The following ANKRD17 variants were observed in gnomAD, a reference collection of about 807,000 sequenced individuals.
The protein encoded by ANKRD17 is ankyrin repeat domain-containing protein 17.
A neutral mutation model predicts 229.7 loss-of-function variants in ANKRD17; 19 were observed. The ratio of observed to expected loss-of-function variants is 0.08; its 90% confidence interval spans 0.06 to 0.12. ANKRD17 has a LOEUF of 0.12. ANKRD17 is among the 10% of genes least tolerant of loss of function. The probability of loss-of-function intolerance (pLI) is 1.00; values close to 1 mark genes in which losing one functional copy is unlikely to be tolerated. For synonymous variants in ANKRD17, 1,112 were observed against 1,146.1 expected, an observed-to-expected ratio of 0.97 and a Z score of 0.60; for missense variants, 2,176 against 3,176.8, an observed-to-expected ratio of 0.68 and a Z score of 7.57.
intron 15 of ANKRD17, among the ~76,000 whole-genome samples, chr4:73,138,690 CT>C (rs996880559): frequency 7.9e-5 from 12 of 152,002 alleles, no homozygotes; most frequent in African/African-American, 1.2e-4. Flanking sequence ...TTCAAATTTT[CT>C]TTTTTTAATG....
chr4:73,228,846 C>A (rs188164745), intron 1 of ANKRD17, among the ~76,000 whole-genome samples: 4 of 152,298 alleles, frequency 2.6e-5, no homozygotes, highest in East Asian at 3.9e-4. Context: ...ATGTTTACTG[C>A]AGCACTATTC....
intron 2 of ANKRD17, among the ~76,000 whole-genome samples, chr4:73,167,533 C>T (rs1382041300): frequency 1.3e-5 from 2 of 152,148 alleles, no homozygotes; most frequent in Non-Finnish European, 2.9e-5. Context: ...ATCTATATGA[C>T]AGTCTCTTAA....
rs763579327 is a variant in ANKRD17, at chr4:73,091,200, C to T, written c.6428G>A (p.Ser2143Asn). The T allele has an allele frequency of 3.1e-6, 5 of 1,614,036 alleles. No homozygotes were observed. In the African/African-American group the frequency reaches 6.7e-5, roughly 22 times the overall value. The change falls in exon 29 of 34, where the codon AGT becomes AAT. Residue 2143 changes from serine to asparagine, a missense_variant. By Grantham distance (46) the Ser-to-Asn change is conservative (BLOSUM62 1). This residue lies in a region of ANKRD17 where 424 missense variants were observed against 454.0 expected (regional missense o/e 0.93). Coordinates refer to ENST00000358602, the MANE Select transcript of ANKRD17 (RefSeq NM_032217.5). ...VRMTVPPLAT[S>N]SAPVAVPSTA... Reference sequence around the variant, plus strand: ...AGAAGGCACCGCCACTGGAGCAGAACTTGTTGCTAAAGGAGGAACAGTCAT... The same window carrying T: ...AGAAGGCACCGCCACTGGAGCAGAATTTGTTGCTAAAGGAGGAACAGTCAT...
intron 2 of ANKRD17, among the ~76,000 whole-genome samples, chr4:73,174,339 A>T (rs1169521883): frequency 6.6e-6 from 1 of 152,214 alleles, no homozygotes; most frequent in Non-Finnish European, 1.5e-5. Flanking sequence ...AAATTGCATG[A>T]TCATCTCAAT....
intron 1 of ANKRD17, among the ~76,000 whole-genome samples, chr4:73,201,067 C>T (rs768115232): frequency 5.4e-5 from 8 of 148,328 alleles, no homozygotes; most frequent in Non-Finnish European, 1.2e-4. Flanking sequence ...TCTAGCAAGA[C>T]TAAATAAAAT....
At chr4:73,250,107 T>C (rs1313564164) in intron 1 of ANKRD17, among the ~76,000 whole-genome samples, 1 of 152,160 alleles carries the variant, frequency 6.6e-6, no homozygotes, top group Non-Finnish European at 1.5e-5. Context: ...ACGCCTTAAC[T>C]TCACCCTACA....
At chr4:73,210,093 C>A (rs1332838336) in intron 1 of ANKRD17, among the ~76,000 whole-genome samples, 1 of 151,866 alleles carries the variant, frequency 6.6e-6, no homozygotes, top group East Asian at 1.9e-4. Context: ...CTACTTAAGG[C>A]AATAAGGTAG....
rs1726720366 is a variant in ANKRD17 at position 73,121,523 on chromosome 4, A to G, written c.3635+94T>C. 3 of 1,430,048 alleles carry G rather than the reference A, an allele frequency of 2.1e-6. No individual in the cohort carries two copies. In the Admixed American group the frequency reaches 5.3e-5, roughly 25 times the overall value. 88.6% of individuals were successfully genotyped at this position (1,430,048 alleles called of 1,614,324 possible). On this transcript the variant is annotated intron_variant, in intron 19 of 33. Transcript: ENST00000358602. ...TGAATGCCAAATTTGTAATAAAGGG[A>G]TTTACTAAATTTGGCACTAAAAAAT...
At chr4:73,223,764 G>A (rs1473410027) in intron 1 of ANKRD17, among the ~76,000 whole-genome samples, 6 of 151,896 alleles carry the variant, frequency 4.0e-5, no homozygotes, top group Non-Finnish European at 5.9e-5. Flanking sequence ...TACTCTAAGA[G>A]ACTAAAATAT....
In ANKRD17 at chr4:73,204,779, G is replaced by T. The variant is rs541351617; in HGVS notation, c.394-27246C>A. ...CTGTCGTAAGGTTCTTAATATTTTCGGGAAGTGGTATTATATGTGACAACA... is the reference window on the plus strand; with the variant it reads ...CTGTCGTAAGGTTCTTAATATTTTCTGGAAGTGGTATTATATGTGACAACA... On this transcript the variant is annotated intron_variant, in intron 1 of 33. Coordinates refer to ENST00000358602, the MANE Select transcript of ANKRD17 (RefSeq NM_032217.5). Among the ~76,000 whole-genome samples, 11 of 152,160 alleles carry T rather than the reference G, an allele frequency of 7.2e-5. 1 individual carries two copies. The highest frequency in any genetic ancestry group is 1.5e-4 in the Non-Finnish European group (10 of 68,014).
chr4:73,206,179 T>G (rs1199403028), intron 1 of ANKRD17, among the ~76,000 whole-genome samples: 1 of 151,994 alleles, frequency 6.6e-6, no homozygotes, highest in Non-Finnish European at 1.5e-5. Flanking sequence ...GTACAGAGGT[T>G]CCTCAAAAAA....
chr4:73,085,121 TGAAA>T, intron 30 of ANKRD17, 124 bp downstream of exon 30: 1 of 1,026,472 alleles, frequency 9.7e-7, no homozygotes. Context: ...GAAATTTTTT[TGAAA>T]TTCCAGACTT....
Position 73,122,730 on chromosome 4 carries a change from A to G in ANKRD17, c.3493-971T>C, listed in dbSNP as rs1482118238. 1.2e-4 allele frequency among the ~76,000 whole-genome samples: 18 copies of G among 152,270 alleles called. 1 individual carries two copies. The highest frequency in any genetic ancestry group is 1.1e-3 in the Admixed American group (17 of 15,288). On this transcript the variant is annotated intron_variant, in intron 18 of 33. Transcript: ENST00000358602. ...TTGCATCTCAGCAAAGCTATGTCCA[A>G]TTTTAGATATCACATTCTTTCCATC...
At chr4:73,129,118 T>C (rs1727847230) in intron 16 of ANKRD17, among the ~76,000 whole-genome samples, 1 of 152,178 alleles carries the variant, frequency 6.6e-6, no homozygotes, top group African/African-American at 2.4e-5. Context: ...GAGATAGATG[T>C]CCAGAGCTTT....
intron 28 of ANKRD17, among the ~76,000 whole-genome samples, chr4:73,093,152 G>A (rs1722946740): frequency 6.6e-6 from 1 of 152,102 alleles, no homozygotes; most frequent in Non-Finnish European, 1.5e-5. Flanking sequence ...ATAATGCAAA[G>A]GGGCATCTGC....
At chr4:73,219,360 A>G (rs1578437369) in intron 1 of ANKRD17, among the ~76,000 whole-genome samples, 1 of 152,156 alleles carries the variant, frequency 6.6e-6, no homozygotes, top group East Asian at 1.9e-4. Context: ...TCTGTCAAAA[A>G]AAGTCTACCA....
At chr4:73,156,628 G>A (rs1405801126) in intron 3 of ANKRD17, among the ~76,000 whole-genome samples, 1 of 150,928 alleles carries the variant, frequency 6.6e-6, no homozygotes, top group Non-Finnish European at 1.5e-5. Context: ...TACCCACTTT[G>A]CTCTCTCTCT....
intron 1 of ANKRD17, among the ~76,000 whole-genome samples, chr4:73,246,230 A>C (rs918766853): frequency 6.6e-6 from 1 of 152,238 alleles, no homozygotes; most frequent in African/African-American, 2.4e-5. Flanking sequence ...GAAGGATTTC[A>C]TTATTAATAT....
chr4:73,241,364 C>T (rs963592896), intron 1 of ANKRD17, among the ~76,000 whole-genome samples: 2 of 151,944 alleles, frequency 1.3e-5, no homozygotes, highest in Admixed American at 6.5e-5. Context: ...GCAACCCAAA[C>T]GGTCCATTAA....
Sources: allele counts gnomAD v4.1 joint callset (sites outside exome capture counted in the v4.1 genomes callset), GRCh38; gene constraint gnomAD v4.1.1; regional missense constraint gnomAD v4.1.1; transcripts MANE v1.5; gene names NCBI Gene and HGNC (gene_info 2026-07-23, HGNC 2026-07-21).